PDE1C: variants seen among roughly 807,000 people sequenced by gnomAD.
PDE1C encodes the protein phosphodiesterase 1C.
A neutral mutation model predicts 93.1 loss-of-function variants in PDE1C; 62 were observed. The observed-to-expected ratio is 0.67, with a 90% CI of 0.54 to 0.82. PDE1C has a LOEUF of 0.82. PDE1C is among the 40% of genes least tolerant of loss of function. The pLI is 0.00. For missense variants in PDE1C, 742 were observed against 884.6 expected (o/e 0.84, Z 2.04); for synonymous variants, 325 against 310.1 (o/e 1.05, Z -0.50).
chr7:31,983,819 A>G (rs555761977), intron 2 of PDE1C, among the ~76,000 whole-genome samples: 1 of 152,280 alleles, frequency 6.6e-6, no homozygotes, highest in East Asian at 1.9e-4. Flanking sequence ...CAACTAAAAA[A>G]GTATTAAGAA....
At chr7:32,093,634 T>C (rs2128745958) in intron 3 of PDE1C, among the ~76,000 whole-genome samples, 1 of 152,348 alleles carries the variant, frequency 6.6e-6, no homozygotes, top group African/African-American at 2.4e-5. Context: ...GGGCCAGGCC[T>C]GGGGCTGTTA....
chr7:31,755,795 A>G (rs990463591), intron 17 of PDE1C, among the ~76,000 whole-genome samples: 3 of 152,242 alleles, frequency 2.0e-5, no homozygotes, highest in African/African-American at 7.2e-5. Context: ...TAATTTATAT[A>G]CATATGCCTC....
At chr7:31,654,342 T>C in the PDE1C span, among the ~76,000 whole-genome samples, 1 of 151,974 alleles carries the variant, frequency 6.6e-6, no homozygotes, top group Non-Finnish European at 1.5e-5. Context: ...CGGTGGGGCA[T>C]GGAGATGGAG....
intron 2 of PDE1C, among the ~76,000 whole-genome samples, chr7:31,977,836 A>C (rs1811861440): frequency 6.6e-6 from 1 of 152,242 alleles, no homozygotes; most frequent in Non-Finnish European, 1.5e-5. Context: ...ATAAGGTTAG[A>C]ATAACAAAGT....
At chr7:32,185,628 T>C (rs1234857278) in intron 2 of PDE1C, among the ~76,000 whole-genome samples, 2 of 152,246 alleles carry the variant, frequency 1.3e-5, no homozygotes, top group African/African-American at 4.8e-5. Context: ...TTTGCATAAA[T>C]TTATTTGCAT....
At chr7:31,685,339 T>G in the PDE1C span, among the ~76,000 whole-genome samples, 1 of 152,190 alleles carries the variant, frequency 6.6e-6, no homozygotes, top group African/African-American at 2.4e-5. Context: ...TCTGTATATA[T>G]TCATGTAAAT....
chr7:31,821,596 G>A (rs986943897), intron 14 of PDE1C, among the ~76,000 whole-genome samples: 4 of 152,036 alleles, frequency 2.6e-5, no homozygotes, highest in Non-Finnish European at 5.9e-5. Flanking sequence ...AATGGACTAG[G>A]AGAGGGTGCA....
intron 3 of PDE1C, among the ~76,000 whole-genome samples, chr7:32,111,542 G>A (rs1798640512): frequency 1.3e-5 from 2 of 152,144 alleles, no homozygotes; most frequent in Admixed American, 6.5e-5. Flanking sequence ...ACCATGGTTG[G>A]GATTTGGATT....
At chr7:32,350,189 G>A (rs1252532611) in intron 1 of PDE1C, among the ~76,000 whole-genome samples, 6 of 151,752 alleles carry the variant, frequency 4.0e-5, no homozygotes, top group South Asian at 2.1e-4. Context: ...ATAATGAGCC[G>A]CCATTTAGCT....
At chr7:32,417,522 G>A (rs960172803) in intron 1 of PDE1C, among the ~76,000 whole-genome samples, 4 of 151,994 alleles carry the variant, frequency 2.6e-5, no homozygotes, top group African/African-American at 9.7e-5. Flanking sequence ...AGTTCACAGG[G>A]TTCGAGTAAC....
chr7:31,826,134 T>C, intron 12 of PDE1C, among the ~76,000 whole-genome samples: 1 of 152,162 alleles, frequency 6.6e-6, no homozygotes, highest in African/African-American at 2.4e-5. Context: ...CACAGTCACA[T>C]GAAAACCGGA....
At chr7:31,853,474 G>A (rs1793599780) in intron 7 of PDE1C, among the ~76,000 whole-genome samples, 1 of 152,134 alleles carries the variant, frequency 6.6e-6, no homozygotes, top group African/African-American at 2.4e-5. Context: ...GCAAAAGCAT[G>A]TCCACCTCAG....
At chr7:31,932,042 A>G (rs1017131743) in intron 2 of PDE1C, among the ~76,000 whole-genome samples, 6 of 152,098 alleles carry the variant, frequency 3.9e-5, no homozygotes, top group Non-Finnish European at 7.4e-5. Context: ...GGACCCCTTC[A>G]TTACACCTTA....
At chr7:32,409,432 AC>A (rs2128097472) in intron 1 of PDE1C, among the ~76,000 whole-genome samples, 1 of 152,256 alleles carries the variant, frequency 6.6e-6, no homozygotes, top group Non-Finnish European at 1.5e-5. Context: ...CAATATCAAA[AC>A]CTGATATAAA....
chr7:31,966,317 A>T (rs1248837130), intron 2 of PDE1C, among the ~76,000 whole-genome samples: 3 of 152,174 alleles, frequency 2.0e-5, no homozygotes, highest in East Asian at 3.9e-4. Context: ...TCCTAGTCTC[A>T]GATAAAACAG....
At chr7:32,361,675 A>G (rs1354365794) in intron 1 of PDE1C, among the ~76,000 whole-genome samples, 3 of 151,948 alleles carry the variant, frequency 2.0e-5, no homozygotes, top group African/African-American at 7.3e-5. Flanking sequence ...CACCTTCCTT[A>G]AGTCACCTGG....
chr7:31,622,420 G>A, the PDE1C span, among the ~76,000 whole-genome samples: 2 of 151,778 alleles, frequency 1.3e-5, no homozygotes, highest in Non-Finnish European at 2.9e-5. Flanking sequence ...TCAGACCACA[G>A]TGCAATCAAA....
intron 3 of PDE1C, among the ~76,000 whole-genome samples, chr7:32,094,965 T>C (rs1257704113): frequency 3.3e-5 from 5 of 152,212 alleles, no homozygotes; most frequent in African/African-American, 9.6e-5. Flanking sequence ...TCTTCCCCAC[T>C]ATTTGGAACA....
intron 2 of PDE1C, among the ~76,000 whole-genome samples, chr7:31,914,950 C>A (rs1468443014): frequency 6.6e-6 from 1 of 152,200 alleles, no homozygotes; most frequent in Non-Finnish European, 1.5e-5. Flanking sequence ...CCCCCAATAT[C>A]TCCATTTCGT....
Sources: gnomAD v4.1 joint callset for allele counts (sites outside exome capture counted in the v4.1 genomes callset) on GRCh38, gnomAD v4.1.1 for gene constraint, MANE v1.5 for transcripts, NCBI Gene and HGNC (gene_info 2026-07-23, HGNC 2026-07-21) for gene names.